CEP350: variants seen among roughly 807,000 people sequenced by gnomAD.
CEP350 encodes centrosomal protein 350.
Under a neutral mutation model 331.8 loss-of-function variants are expected in CEP350, and 126 were observed. The observed-to-expected ratio is 0.38, with a 90% CI of 0.33 to 0.44. The LOEUF is 0.44. Ranked by LOEUF, CEP350 falls within the 20% of genes least tolerant of loss-of-function variation. The probability of loss-of-function intolerance (pLI) is 1.00; values close to 1 mark genes in which losing one functional copy is unlikely to be tolerated. For synonymous variants in CEP350, 1,200 were observed against 1,259.5 expected, an observed-to-expected ratio of 0.95 and a Z score of 1.00; for missense variants, 3,406 against 3,634.6, an observed-to-expected ratio of 0.94 and a Z score of 1.62.
chr1:179,969,292 C>T (rs567633796), intron 1 of CEP350: 114 of 497,250 alleles, frequency 2.3e-4, no homozygotes, highest in Non-Finnish European at 3.9e-4. Context: ...CTGCTGAAAA[C>T]GCTGTGACCA....
intron 1 of CEP350, among the ~76,000 whole-genome samples, chr1:179,955,437 T>G (rs1236646423): frequency 5.3e-5 from 8 of 152,166 alleles, no homozygotes; most frequent in Non-Finnish European, 2.9e-5. Context: ...CCTCTAGCCT[T>G]TGCTGCCCGG....
At chr1:180,090,932 T>A in intron 33 of CEP350, 136 bp downstream of exon 33, 3 of 739,516 alleles carry the variant, frequency 4.1e-6, no homozygotes, top group Non-Finnish European at 5.8e-6. Context: ...ATTTTAAAGT[T>A]ACTTTTATAT....
At chr1:180,003,777 T>A (rs975929915) in intron 7 of CEP350, among the ~76,000 whole-genome samples, 3 of 152,208 alleles carry the variant, frequency 2.0e-5, no homozygotes, top group Non-Finnish European at 4.4e-5. Flanking sequence ...ATAATGGTAC[T>A]ACCTACCGAA....
chr1:180,004,163 C>T (rs1196091831), intron 7 of CEP350, among the ~76,000 whole-genome samples: 1 of 152,148 alleles, frequency 6.6e-6, no homozygotes, highest in Non-Finnish European at 1.5e-5. Context: ...AGCTATGTTA[C>T]ATAACTTCTC....
intron 10 of CEP350, among the ~76,000 whole-genome samples, chr1:180,015,173 G>A (rs1262587433): frequency 6.6e-6 from 1 of 151,784 alleles, no homozygotes; most frequent in Non-Finnish European, 1.5e-5. Flanking sequence ...AGATGGAAGG[G>A]GAGGCAGGAG....
chr1:180,112,400 A>G lies in CEP350; in HGVS notation c.*1239A>G, dbSNP rs1370337314. 4 of 152,632 alleles carry G rather than the reference A, an allele frequency of 2.6e-5. No individual in the cohort carries two copies. The highest frequency in any genetic ancestry group is 9.7e-5 in the African/African-American group (4 of 41,448). 9.5% of individuals were successfully genotyped at this position (152,632 alleles called of 1,614,324 possible). A position where few individuals can be genotyped will look rare whatever the true frequency, so the allele number is the denominator to read the frequency against. ...TAGCAGCAGTGGGATAAAATGATTT[A>G]AAAACACTGTACAATTTAACTCTGC... is the stretch of plus-strand genomic sequence containing the variant. On this transcript the variant is annotated 3_prime_UTR_variant, in exon 38 of 38. Coordinates refer to ENST00000367607, the MANE Select transcript of CEP350 (RefSeq NM_014810.5).
rs1298910569 is a variant in CEP350, at chr1:180,111,705, T to C, written c.*544T>C. On this transcript the variant is annotated 3_prime_UTR_variant, in exon 38 of 38. Coordinates refer to ENST00000367607, the MANE Select transcript of CEP350 (RefSeq NM_014810.5). ...CTTTTTGAAGACCATTTTCTTCCAT[T>C]ATTGTAGTTGAGCAGCACCAAGTGG... The C allele has an allele frequency of 6.5e-6, 1 of 152,682 alleles. No individual in the cohort carries two copies. Among genetic ancestry groups the C allele is most frequent in the African/African-American group, 2.4e-5 (1 of 41,456 alleles). 9.5% of individuals were successfully genotyped at this position (152,682 alleles called of 1,614,324 possible).
intron 1 of CEP350, chr1:179,969,318 G>T (rs556694925): frequency 3.4e-4 from 170 of 505,380 alleles, no homozygotes; most frequent in Non-Finnish European, 6.4e-4. Context: ...GAATTTTAGG[G>T]TGAATGGACT....
rs771525718 is a variant in CEP350, at chr1:180,092,673, A to G, written c.6568A>G (p.Lys2190Glu). The G allele has an allele frequency of 3.1e-6, 5 of 1,612,918 alleles. No individual in the cohort carries two copies. In the African/African-American group the frequency reaches 5.3e-5, roughly 17 times the overall value. ...VSERSLSAYA[K>E]RVNEWDSRTE... ...AGAAAGGTCTTTATCTGCATATGCA[A>G]AGAGAGTAAATGAATGGGACAGTCG... is the stretch of plus-strand genomic sequence containing the variant. Residue 2190 changes from lysine to glutamate, a missense_variant, in exon 34 of 38, where the codon AAG becomes GAG. By Grantham distance (56) the Lys-to-Glu change is moderately conservative. Around this residue, in one of 5 missense-constraint regions of CEP350, gnomAD observed 1,415 missense variants for 1,512.3 expected, o/e 0.94. Coordinates refer to ENST00000367607, the MANE Select transcript of CEP350 (RefSeq NM_014810.5).
At chr1:180,099,109 C>G (rs1572000151) in intron 37 of CEP350, 124 bp downstream of exon 37, 1 of 947,814 alleles carries the variant, frequency 1.1e-6, no homozygotes, top group Non-Finnish European at 1.5e-6. Flanking sequence ...ATCTTAAAGC[C>G]TTTACTTGCT....
At chr1:179,999,905 A>G (rs1403878025) in intron 6 of CEP350, among the ~76,000 whole-genome samples, 1 of 152,178 alleles carries the variant, frequency 6.6e-6, no homozygotes, top group African/African-American at 2.4e-5. Context: ...GTGAACACAA[A>G]TGGTGTTTAT....
chr1:180,030,633 T>G (rs1054495083), intron 14 of CEP350, among the ~76,000 whole-genome samples: 2 of 151,954 alleles, frequency 1.3e-5, no homozygotes, highest in Non-Finnish European at 2.9e-5. Flanking sequence ...GATATAGTAC[T>G]TATTTCATAA....
intron 25 of CEP350, among the ~76,000 whole-genome samples, chr1:180,055,520 G>T (rs1657764068): frequency 7.0e-6 from 1 of 143,390 alleles, no homozygotes; most frequent in African/African-American, 2.5e-5. Context: ...CAGATAATAT[G>T]AATTTGAATA....
chr1:180,014,658 A>T (rs1352256542), intron 10 of CEP350, among the ~76,000 whole-genome samples, 153 bp downstream of exon 10: 1 of 152,226 alleles, frequency 6.6e-6, no homozygotes, highest in Non-Finnish European at 1.5e-5. Flanking sequence ...ATGAGGAGTA[A>T]TGTGATAAAT....
intron 1 of CEP350, among the ~76,000 whole-genome samples, chr1:179,965,125 A>G (rs1415504922): frequency 6.6e-6 from 1 of 152,014 alleles, no homozygotes; most frequent in African/African-American, 2.4e-5. Context: ...GTTTCAAAGA[A>G]TTTTTTTATT....
Position 180,094,277 on chromosome 1 carries a change from A to G in CEP350, c.8172A>G (p.Thr2724=). The change falls in exon 34 of 38, where the codon ACA becomes ACG. Residue 2724 remains threonine, a synonymous_variant. Coordinates refer to ENST00000367607, the MANE Select transcript of CEP350 (RefSeq NM_014810.5). ...KLCTPLLDLL[T]REKNQLEAQL... The stretch of plus-strand genomic sequence containing the variant: ...GTACACCACTTCTGGATCTTTTAAC[A>G]AGAGAAAAAAACCAACTGGAAGCCC... The G allele has an allele frequency of 6.2e-7, 1 of 1,613,674 alleles. No homozygotes were observed. Among genetic ancestry groups the G allele is most frequent in the East Asian group, 2.2e-5 (1 of 44,874 alleles).
intron 14 of CEP350, among the ~76,000 whole-genome samples, chr1:180,027,475 T>C (rs921110029): frequency 2.6e-5 from 4 of 152,128 alleles, no homozygotes; most frequent in Non-Finnish European, 5.9e-5. Flanking sequence ...AGCCTCAACA[T>C]CCTGGGCTCC....
intron 16 of CEP350, among the ~76,000 whole-genome samples, chr1:180,035,219 GA>G (rs1656271532): frequency 1.3e-5 from 2 of 152,188 alleles, no homozygotes; most frequent in Admixed American, 1.3e-4. Context: ...AGAAAAGTTG[GA>G]AGCTAGCAGA....
intron 1 of CEP350, chr1:179,969,161 G>A: frequency 3.2e-6 from 2 of 629,718 alleles, no homozygotes; most frequent in South Asian, 1.5e-5. Flanking sequence ...GATATGGTGG[G>A]TGCTGGCCGG....
Sources: gnomAD v4.1 joint callset for allele counts (sites outside exome capture counted in the v4.1 genomes callset) on GRCh38, gnomAD v4.1.1 for gene constraint, gnomAD v4.1.1 regional missense constraint, MANE v1.5 for transcripts, NCBI Gene and HGNC (gene_info 2026-07-23, HGNC 2026-07-21) for gene names.